Variants in USP6NL observed in about 807,000 individuals in gnomAD.
USP6NL encodes USP6 N-terminal-like protein.
Under a neutral mutation model 61.9 loss-of-function variants are expected in USP6NL, and 26 were observed. The observed-to-expected ratio is 0.42, with a 90% CI of 0.31 to 0.58. The LOEUF is 0.58. Ranked by LOEUF, USP6NL falls within the 20% of genes least tolerant of loss-of-function variation. The pLI is 0.16. For synonymous variants in USP6NL, 432 were observed against 390.1 expected, an observed-to-expected ratio of 1.11 and a Z score of -1.27; for missense variants, 1,114 against 1,034.3, an observed-to-expected ratio of 1.08 and a Z score of -1.06.
At chr10:11,519,157 AGGT>A (rs1233801428) in intron 4 of USP6NL, among the ~76,000 whole-genome samples, 1 of 152,240 alleles carries the variant, frequency 6.6e-6, no homozygotes, top group Non-Finnish European at 1.5e-5. Flanking sequence ...TTACAAAAAT[AGGT>A]GGTGAGCTGG....
intron 13 of USP6NL, among the ~76,000 whole-genome samples, chr10:11,484,517 G>C (rs1422534112): frequency 6.6e-6 from 1 of 151,966 alleles, no homozygotes; most frequent in Non-Finnish European, 1.5e-5. Context: ...CCACAGTTCA[G>C]CTGGGTGCTA....
rs1416859765 is a variant in USP6NL at position 11,562,863 on chromosome 10, A to G, written c.4+34768T>C. ...TAAGGGTCTTTTGGTAGTTTCTTGA[A>G]AAAGTAGACATCCACTTACCATGCA... On this transcript the variant is annotated intron_variant, in intron 2 of 14. Transcript: ENST00000609104. The surrounding 1 kb of genome is among the most constrained non-coding windows in gnomAD (Gnocchi z 4.8). 1 of 801,488 alleles carries G rather than the reference A, an allele frequency of 1.2e-6. No homozygotes were observed. The highest frequency in any genetic ancestry group is 1.5e-6 in the Non-Finnish European group (1 of 662,548). 49.6% of individuals were successfully genotyped at this position (801,488 alleles called of 1,614,324 possible).
chr10:11,597,657 T>A lies in USP6NL; in HGVS notation c.-23A>T. ...CATGACTGGAAATGGGTCTGAATGT[T>A]GTCCCAATCAGATATTAAACCAAAA... is the stretch of plus-strand genomic sequence containing the variant. On this transcript the variant is annotated 5_prime_UTR_variant, in exon 2 of 15. Coordinates refer to ENST00000609104, the MANE Select transcript of USP6NL (RefSeq NM_014688.5). The surrounding 1 kb of genome is among the most constrained non-coding windows in gnomAD (Gnocchi z 4.6). 1 of 1,550,930 alleles carries A rather than the reference T, an allele frequency of 6.4e-7. No individual in the cohort carries two copies. The highest frequency in any genetic ancestry group is 8.7e-7 in the Non-Finnish European group (1 of 1,146,312).
chr10:11,527,320 A>G (rs1241410628), intron 3 of USP6NL, among the ~76,000 whole-genome samples, 180 bp downstream of exon 3: 1 of 152,216 alleles, frequency 6.6e-6, no homozygotes, highest in Non-Finnish European at 1.5e-5. Flanking sequence ...ATAGCAACCG[A>G]CTGAAGTGGA....
chr10:11,539,948 G>T lies in USP6NL; in HGVS notation c.5-12381C>A, dbSNP rs138116914. ...AAATGTTAAGTAATTCAGGCCATAT[G>T]GGAAGTAAGAGACAGGGCAGGACTT... On this transcript the variant is annotated intron_variant, in intron 2 of 14. Transcript: ENST00000609104. Among the ~76,000 whole-genome samples, 377 of 152,310 alleles carry T rather than the reference G, an allele frequency of 2.5e-3. 2 individuals are homozygous for T. The highest frequency in any genetic ancestry group is 8.3e-3 in the African/African-American group (345 of 41,570).
At chr10:11,536,169 TG>T (rs1351361257) in intron 2 of USP6NL, among the ~76,000 whole-genome samples, 1 of 152,230 alleles carries the variant, frequency 6.6e-6, no homozygotes, top group Non-Finnish European at 1.5e-5. Flanking sequence ...TAAAACATCT[TG>T]TTCTGAAATA....
At chr10:11,576,243 T>G (rs1837540482) in intron 2 of USP6NL, among the ~76,000 whole-genome samples, 1 of 152,158 alleles carries the variant, frequency 6.6e-6, no homozygotes, top group Admixed American at 6.5e-5. Flanking sequence ...AATAAAAAAT[T>G]AGATCCTGAC....
rs971847344 is a variant in USP6NL at position 11,476,342 on chromosome 10, T to C, written c.1078+5428A>G. On this transcript the variant is annotated intron_variant, in intron 14 of 14. Transcript: ENST00000609104. The surrounding 1 kb of genome is among the most constrained non-coding windows in gnomAD (Gnocchi z 4.3). ...GTTTCTTGGCTACAGAGACAAGTAT[T>C]TGAGGTGAAGTATCCTGATGTCCTT... 2.0e-5 allele frequency among the ~76,000 whole-genome samples: 3 copies of C among 152,142 alleles called. No homozygotes were observed. Among genetic ancestry groups the C allele is most frequent in the Non-Finnish European group, 2.9e-5 (2 of 68,012 alleles).
chr10:11,507,686 T>A (rs1029331858), intron 6 of USP6NL, among the ~76,000 whole-genome samples: 4 of 151,644 alleles, frequency 2.6e-5, no homozygotes, highest in African/African-American at 4.8e-5. Flanking sequence ...TCTTGCTTAA[T>A]TTTTTTTTAG....
At chr10:11,519,538 G>A (rs1421177295) in intron 4 of USP6NL, among the ~76,000 whole-genome samples, 5 of 152,296 alleles carry the variant, frequency 3.3e-5, no homozygotes, top group African/African-American at 9.6e-5. Context: ...GCTGACACAG[G>A]AGAATCGCTT....
At chr10:11,467,379 A>C (rs973110433) in intron 14 of USP6NL, among the ~76,000 whole-genome samples, 3 of 152,232 alleles carry the variant, frequency 2.0e-5, no homozygotes. Context: ...TGGAGAAACA[A>C]ATTCTCCAAT....
At position 11,463,880 on chromosome 10, in the gene USP6NL, A is replaced by C. The variant is rs1222077322; in HGVS notation, c.1079-31T>G. ...AAGAAAGAGAAAGGCTAAGTAAGAT[A>C]ATACACGAGTAAACAGTAGCCAGTT... On this transcript the variant is annotated intron_variant, in intron 14 of 14. Transcript: ENST00000609104. This position sits in a 1 kb window ranked among gnomAD's most constrained non-coding sequence, Gnocchi z 6.3. 6.9e-7 allele frequency: 1 copy of C among 1,453,380 alleles called. No homozygotes were observed. The highest frequency in any genetic ancestry group is 9.1e-7 in the Non-Finnish European group (1 of 1,100,412). The allele number at this position is 1,453,380 out of a possible 1,614,324, so 90.0% of individuals were successfully genotyped here. A position where few individuals can be genotyped will look rare whatever the true frequency, so the allele number is the denominator to read the frequency against.
intron 5 of USP6NL, among the ~76,000 whole-genome samples, chr10:11,515,140 G>A (rs1362560273): frequency 6.6e-6 from 1 of 152,120 alleles, no homozygotes; most frequent in Non-Finnish European, 1.5e-5. Context: ...CTGAGACTAC[G>A]TTTTCAACCC....
At position 11,463,339 on chromosome 10, in the gene USP6NL, A is replaced by C. The variant is rs1362009834; in HGVS notation, c.1589T>G (p.Val530Gly). 1 of 1,613,872 alleles carries C rather than the reference A, an allele frequency of 6.2e-7. No homozygotes were observed. Reference sequence around the variant, plus strand: ...ATCCAGGGCCTTCATCTTTGGCCGCACGTTTGACACCCGCACCTCGGCAGG... The same window carrying C: ...ATCCAGGGCCTTCATCTTTGGCCGCCCGTTTGACACCCGCACCTCGGCAGG... ...PGPAEVRVSNVRPKMKALDAE... is the reference protein window; with the variant it reads ...PGPAEVRVSNGRPKMKALDAE... The change falls in exon 15 of 15, where the codon GTG (valine) becomes GGG (glycine). Residue 530 changes from valine (V) to glycine (G), a missense_variant. Physicochemically the swap from Val to Gly is moderately radical, Grantham distance 109. Coordinates refer to ENST00000609104, the MANE Select transcript of USP6NL (RefSeq NM_014688.5). This position sits in a 1 kb window ranked among gnomAD's most constrained non-coding sequence, Gnocchi z 6.3.
chr10:11,536,296 A>C (rs1352756246), intron 2 of USP6NL, among the ~76,000 whole-genome samples: 1 of 152,152 alleles, frequency 6.6e-6, no homozygotes, highest in Non-Finnish European at 1.5e-5. Context: ...TAGAATCCTA[A>C]GAAAAATAGC....
In USP6NL at chr10:11,562,407, T is replaced by C. The variant is rs1402672436; in HGVS notation, c.5-34840A>G. ...ACTTCAGATTTCCCCTTTTCCTTTTTCTTCTTGCTTGGCTCTTGGACCTAA... is the reference window on the plus strand; with the variant it reads ...ACTTCAGATTTCCCCTTTTCCTTTTCCTTCTTGCTTGGCTCTTGGACCTAA... On this transcript the variant is annotated intron_variant, in intron 2 of 14. Transcript: ENST00000609104. The surrounding 1 kb of genome is among the most constrained non-coding windows in gnomAD (Gnocchi z 4.8). The C allele has an allele frequency of 1.2e-5, 12 of 985,328 alleles. No individual in the cohort carries two copies. In the South Asian group the frequency reaches 5.6e-4, roughly 46 times the overall value. 61.0% of individuals were successfully genotyped at this position (985,328 alleles called of 1,614,324 possible).
At chr10:11,605,423 G>C (rs767750425) in intron 1 of USP6NL, among the ~76,000 whole-genome samples, 5 of 151,976 alleles carry the variant, frequency 3.3e-5, no homozygotes, top group African/African-American at 4.8e-5. Flanking sequence ...CAAAAGCAAT[G>C]AAAAAAATCC....
At chr10:11,504,448 G>GT (rs773672549) in intron 6 of USP6NL, among the ~76,000 whole-genome samples, 170 of 152,282 alleles carry the variant, frequency 1.1e-3, no homozygotes, top group Non-Finnish European at 2.0e-3. Context: ...CACTTAAAAT[G>GT]TAAGTAAAAC....
chr10:11,569,605 G>A (rs933256719), intron 2 of USP6NL, among the ~76,000 whole-genome samples: 3 of 152,164 alleles, frequency 2.0e-5, no homozygotes, highest in African/African-American at 4.8e-5. Context: ...ACTGGAACCC[G>A]AAGGCTGATC....
Sources: allele counts gnomAD v4.1 joint callset (sites outside exome capture counted in the v4.1 genomes callset), GRCh38; gene constraint gnomAD v4.1.1; non-coding constraint Gnocchi (gnomAD v3.1); transcripts MANE v1.5; gene names NCBI Gene and HGNC (gene_info 2026-07-23, HGNC 2026-07-21).